The following PARD3B variants were observed in gnomAD, a reference collection of about 807,000 sequenced individuals.
PARD3B encodes the protein par-3 family cell polarity regulator beta, also known as partitioning defective 3 homolog B.
A neutral mutation model predicts 130.2 loss-of-function variants in PARD3B; 103 were observed. The observed-to-expected ratio is 0.79, with a 90% CI of 0.67 to 0.93. The LOEUF is 0.93. PARD3B is among the 40% of genes least tolerant of loss of function. The pLI is 0.00. For missense variants in PARD3B, 1,609 were observed against 1,499.2 expected, an observed-to-expected ratio of 1.07 and a Z score of -1.21; for synonymous variants, 583 against 553.2, an observed-to-expected ratio of 1.05 and a Z score of -0.76.
chr2:205,454,268 G>A (rs1346305488), intron 20 of PARD3B, among the ~76,000 whole-genome samples: 1 of 152,086 alleles, frequency 6.6e-6, no homozygotes, highest in African/African-American at 2.4e-5. Flanking sequence ...AGATTCCAAA[G>A]TGCCCTCCTT....
Position 205,341,290 on chromosome 2 carries a change from C to G in PARD3B, c.2630+39589C>G, listed in dbSNP as rs894952092. On this transcript the variant is annotated intron_variant, in intron 18 of 22. Transcript: ENST00000406610. The surrounding 1 kb of genome is among the most constrained non-coding windows in gnomAD (Gnocchi z 4.3). The stretch of plus-strand genomic sequence containing the variant: ...AGTATATCAAAGGGATACCTGCACC[C>G]GCATGTTTAATGCATCACTGTTCAC... 6.6e-6 allele frequency among the ~76,000 whole-genome samples: 1 copy of G among 151,920 alleles called. No individual in the cohort carries two copies. Among genetic ancestry groups the G allele is most frequent in the African/African-American group, 2.4e-5 (1 of 41,382 alleles).
chr2:204,629,559 C>T (rs564151827), intron 1 of PARD3B, among the ~76,000 whole-genome samples: 32 of 151,958 alleles, frequency 2.1e-4, no homozygotes, highest in African/African-American at 7.2e-4. Context: ...GTATCTGCTG[C>T]ACATACTTTT....
In PARD3B at chr2:205,074,379, T is replaced by C. The variant is rs573948341; in HGVS notation, c.504+26689T>C. Among the ~76,000 whole-genome samples, 6 of 152,318 alleles carry C rather than the reference T, an allele frequency of 3.9e-5. No homozygotes were observed. In the South Asian group the frequency reaches 1.2e-3, roughly 32 times the overall value. On this transcript the variant is annotated intron_variant, in intron 4 of 22. Coordinates refer to ENST00000406610, the MANE Select transcript of PARD3B (RefSeq NM_001302769.2). The stretch of plus-strand genomic sequence containing the variant: ...CATTTGAACTTTTAAAAGTTGCTAA[T>C]TGGTAAAGGAATCATCTAATTCTAC...
chr2:204,641,131 A>G (rs2035063133), intron 1 of PARD3B, among the ~76,000 whole-genome samples: 1 of 148,418 alleles, frequency 6.7e-6, no homozygotes, highest in Non-Finnish European at 1.5e-5. Context: ...GACTTTTTTA[A>G]AGATACTTCC....
chr2:204,714,092 C>A (rs2038604355), intron 2 of PARD3B, among the ~76,000 whole-genome samples: 1 of 152,164 alleles, frequency 6.6e-6, no homozygotes. Context: ...ATACCTGTAT[C>A]TGTGATTCTT....
intron 15 of PARD3B, among the ~76,000 whole-genome samples, chr2:205,239,904 C>T (rs1178115204): frequency 6.6e-6 from 1 of 151,970 alleles, no homozygotes. Flanking sequence ...ATACTAATTC[C>T]CTAGCCCCCT....
intron 3 of PARD3B, among the ~76,000 whole-genome samples, chr2:205,014,005 C>A (rs1458614510): frequency 2.6e-5 from 4 of 152,138 alleles, no homozygotes; most frequent in Non-Finnish European, 4.4e-5. Flanking sequence ...GTTCACATTG[C>A]CGACAGCCCA....
chr2:204,880,294 T>G (rs1327870101), intron 2 of PARD3B, among the ~76,000 whole-genome samples: 1 of 152,216 alleles, frequency 6.6e-6, no homozygotes, highest in Non-Finnish European at 1.5e-5. Flanking sequence ...ATATGATACC[T>G]ACTATTATGT....
chr2:204,613,197 C>G (rs1457725786), intron 1 of PARD3B, among the ~76,000 whole-genome samples: 1 of 152,066 alleles, frequency 6.6e-6, no homozygotes, highest in Non-Finnish European at 1.5e-5. Context: ...CTGAAAATGT[C>G]TATTCTTTAC....
At chr2:205,148,221 A>G (rs2033506750) in intron 10 of PARD3B, among the ~76,000 whole-genome samples, 1 of 152,176 alleles carries the variant, frequency 6.6e-6, no homozygotes, top group Admixed American at 6.5e-5. Context: ...AAGATCATCT[A>G]CATACTTGTA....
intron 3 of PARD3B, among the ~76,000 whole-genome samples, chr2:205,001,970 C>T (rs1005877860): frequency 1.3e-5 from 2 of 152,136 alleles, no homozygotes; most frequent in African/African-American, 4.8e-5. Context: ...TTTAATTGGG[C>T]TCCTTTATGG....
rs2039958074 is a variant in PARD3B, at chr2:205,253,819, T to C, written c.2185+7997T>C. 6.6e-6 allele frequency among the ~76,000 whole-genome samples: 1 copy of C among 151,998 alleles called. No homozygotes were observed. The highest frequency in any genetic ancestry group is 2.1e-4 in the South Asian group (1 of 4,822). ...CCTCCTAACCCTGACCTGCATGATA[T>C]GGGTGTGAGAAGCTTCAATTGAGAA... On this transcript the variant is annotated intron_variant, in intron 16 of 22. Transcript: ENST00000406610. The surrounding 1 kb of genome is among the most constrained non-coding windows in gnomAD (Gnocchi z 4.4).
At chr2:204,845,421 T>G (rs2044421029) in intron 2 of PARD3B, among the ~76,000 whole-genome samples, 1 of 152,158 alleles carries the variant, frequency 6.6e-6, no homozygotes, top group South Asian at 2.1e-4. Context: ...TAAGCTGTAT[T>G]GTAGAAATCA....
intron 18 of PARD3B, among the ~76,000 whole-genome samples, chr2:205,365,807 G>A (rs1337750457): frequency 6.6e-6 from 1 of 152,058 alleles, no homozygotes; most frequent in African/African-American, 2.4e-5. Context: ...ATTTAAGATA[G>A]GCTTCAGATG....
chr2:204,914,991 C>A (rs2047388251), intron 2 of PARD3B, among the ~76,000 whole-genome samples: 1 of 152,124 alleles, frequency 6.6e-6, no homozygotes, highest in African/African-American at 2.4e-5. Context: ...GAGAGATTCC[C>A]ACCTTCGCAC....
intron 5 of PARD3B, among the ~76,000 whole-genome samples, chr2:205,110,569 A>G (rs998977094): frequency 1.3e-5 from 2 of 149,966 alleles, no homozygotes; most frequent in Admixed American, 1.3e-4. Context: ...AAATTTTCCC[A>G]CTTTTCTTCT....
intron 21 of PARD3B, among the ~76,000 whole-genome samples, chr2:205,516,754 C>A (rs56970462): frequency 0.04 from 6,007 of 152,004 alleles, 201 homozygotes; most frequent in South Asian, 0.13. Context: ...GATGCCCTTT[C>A]TTTCTTTCTT....
intron 18 of PARD3B, among the ~76,000 whole-genome samples, chr2:205,324,801 C>G (rs1268036420): frequency 6.6e-6 from 1 of 152,108 alleles, no homozygotes; most frequent in African/African-American, 2.4e-5. Flanking sequence ...AAACCAGACT[C>G]CACCCAGACT....
At chr2:205,132,406 C>G (rs896561963) in intron 10 of PARD3B, among the ~76,000 whole-genome samples, 1 of 152,058 alleles carries the variant, frequency 6.6e-6, no homozygotes, top group Non-Finnish European at 1.5e-5. Flanking sequence ...GCCAGTGAGC[C>G]TCGGCATTTT....
Sources: allele counts gnomAD v4.1 joint callset (sites outside exome capture counted in the v4.1 genomes callset), GRCh38; gene constraint gnomAD v4.1.1; non-coding constraint Gnocchi (gnomAD v3.1); transcripts MANE v1.5; gene names NCBI Gene and HGNC (gene_info 2026-07-23, HGNC 2026-07-21).